KCNIP4: variants seen among roughly 807,000 people sequenced by gnomAD.
KCNIP4 encodes the protein Kv channel-interacting protein 4.
A neutral mutation model predicts 34.0 loss-of-function variants in KCNIP4; 12 were observed. The observed-to-expected ratio is 0.35, with a 90% CI of 0.23 to 0.57. The LOEUF (loss-of-function observed/expected upper bound fraction) is 0.57, where lower values mean the gene tolerates loss of function less well. Among genes scored for constraint, KCNIP4 ranks in the 20% least tolerant of loss-of-function variants. The pLI, the probability that KCNIP4 is intolerant of heterozygous loss-of-function variation, is 0.83. For missense variants in KCNIP4, 238 were observed against 311.7 expected (o/e 0.76, Z 1.78); for synonymous variants, 124 against 102.2 (o/e 1.21, Z -1.29).
chr4:21,707,258 T>C (rs893077914), intron 1 of KCNIP4, among the ~76,000 whole-genome samples: 1 of 152,196 alleles, frequency 6.6e-6, no homozygotes, highest in Non-Finnish European at 1.5e-5. Context: ...CTGTATCACC[T>C]TGGTATTGAG....
intron 1 of KCNIP4, among the ~76,000 whole-genome samples, chr4:21,287,724 T>G (rs1763204949): frequency 6.6e-6 from 1 of 152,168 alleles, no homozygotes; most frequent in African/African-American, 2.4e-5. Flanking sequence ...TCTGGAAGCC[T>G]TGTGAGGACT....
At chr4:20,989,535 T>C (rs991231462) in intron 1 of KCNIP4, among the ~76,000 whole-genome samples, 1 of 152,084 alleles carries the variant, frequency 6.6e-6, no homozygotes, top group Non-Finnish European at 1.5e-5. Flanking sequence ...TCTCAGTCAA[T>C]AGAAGCTAAG....
intron 1 of KCNIP4, among the ~76,000 whole-genome samples, chr4:21,508,944 C>T (rs868602410): frequency 5.4e-4 from 82 of 152,266 alleles, no homozygotes; most frequent in African/African-American, 1.7e-3. Context: ...AACATGGACA[C>T]CTTCTTGCTT....
intron 1 of KCNIP4, among the ~76,000 whole-genome samples, chr4:21,171,806 C>T (rs1754041220): frequency 6.6e-6 from 1 of 152,164 alleles, no homozygotes; most frequent in Admixed American, 6.5e-5. Context: ...ATGGACTCAG[C>T]ACTTGCTCAG....
In KCNIP4 at chr4:20,889,576, A is replaced by G. The variant is rs62295430; in HGVS notation, c.62-6867T>C. ...CGTAAGACTTTTATTTTTTTGTGCC[A>G]TCAAATACAGGTAAAAATAATTGTG... On this transcript the variant is annotated intron_variant, in intron 1 of 8. Transcript: ENST00000382152. Among the ~76,000 whole-genome samples, 623 of 152,206 alleles carry G rather than the reference A, an allele frequency of 4.1e-3. 2 individuals carry two copies. The highest frequency in any genetic ancestry group is 6.4e-3 in the Non-Finnish European group (435 of 67,964).
intron 1 of KCNIP4, among the ~76,000 whole-genome samples, chr4:21,584,083 T>C (rs1489072293): frequency 6.6e-6 from 1 of 152,042 alleles, no homozygotes; most frequent in East Asian, 1.9e-4. Context: ...GCAATCTGCA[T>C]AGCCCATGGT....
rs144174589 is a variant in KCNIP4 at position 20,971,981 on chromosome 4, C to T, written c.62-89272G>A. On this transcript the variant is annotated intron_variant, in intron 1 of 8. Transcript: ENST00000382152. The stretch of plus-strand genomic sequence containing the variant: ...TAGCCTCTTCACCAGGAGTCAATTC[C>T]ATCTCAAGAAACTGCTTTCTTTGTC... Among the ~76,000 whole-genome samples the T allele has an allele frequency of 4.2e-3, 633 of 152,290 alleles. 1 individual carries two copies. The highest frequency in any genetic ancestry group is 6.8e-3 in the Middle Eastern group (2 of 294).
chr4:21,540,435 C>T (rs924328756), intron 1 of KCNIP4, among the ~76,000 whole-genome samples: 2 of 152,152 alleles, frequency 1.3e-5, no homozygotes, highest in Non-Finnish European at 2.9e-5. Flanking sequence ...GGTACTTCAG[C>T]ATGAAGGCTC....
chr4:20,760,954 G>A (rs542164522), intron 3 of KCNIP4, among the ~76,000 whole-genome samples: 2 of 152,288 alleles, frequency 1.3e-5, no homozygotes, highest in Admixed American at 1.3e-4. Context: ...TTCTGTAAGG[G>A]TGTTTTTGAG....
chr4:21,260,461 C>T lies in KCNIP4; in HGVS notation c.62-377752G>A, dbSNP rs1001378446. ...GGATTTTTGAATGACATGCCCATGACGTAGTTTGCGAGAAAGGGAAAACAC... is the reference window on the plus strand; with the variant it reads ...GGATTTTTGAATGACATGCCCATGATGTAGTTTGCGAGAAAGGGAAAACAC... On this transcript the variant is annotated intron_variant, in intron 1 of 8. Transcript: ENST00000382152. Among the ~76,000 whole-genome samples the T allele has an allele frequency of 4.6e-5, 7 of 152,096 alleles. No homozygotes were observed. The South Asian group carries it at 6.2e-4, about 14-fold the overall frequency.
chr4:21,911,653 C>CAGAG (rs1428463258), intron 1 of KCNIP4, among the ~76,000 whole-genome samples: 1 of 134,538 alleles, frequency 7.4e-6, no homozygotes, highest in Admixed American at 7.4e-5. Flanking sequence ...CACACACACA[C>CAGAG]ACAGAGTCTG....
In KCNIP4 at chr4:20,729,904, C is replaced by CAAATTTATAACTGAAAG. The variant is rs1747523591; in HGVS notation, c.*161_*177dup. The CAAATTTATAACTGAAAG allele has an allele frequency of 1.6e-6, 1 of 613,414 alleles. No homozygotes were observed. The highest frequency in any genetic ancestry group is 3.9e-5 in the South Asian group (1 of 25,868). The allele number at this position is 613,414 out of a possible 1,614,324, so 38.0% of individuals were successfully genotyped here. On this transcript the variant is annotated 3_prime_UTR_variant, in exon 9 of 9. Transcript: ENST00000382152. Reference sequence around the variant, plus strand: ...ACTCAGTGGCATTATGAAAAGGATGCAAATTTATAACTGAAAGCTCAAATC... The same window carrying CAAATTTATAACTGAAAG: ...ACTCAGTGGCATTATGAAAAGGATGCAAATTTATAACTGAAAGAAATTTATAACTGAAAGCTCAAATC...
At chr4:21,344,358 A>T (rs549864737) in intron 1 of KCNIP4, among the ~76,000 whole-genome samples, 47 of 152,266 alleles carry the variant, frequency 3.1e-4, no homozygotes, top group African/African-American at 1.1e-3. Flanking sequence ...GAGGATGAGG[A>T]GTGAAATAAG....
rs963880455 is a variant in KCNIP4, at chr4:21,189,146, C to T, written c.62-306437G>A. On this transcript the variant is annotated intron_variant, in intron 1 of 8. Transcript: ENST00000382152. ...AAAGCATACAGAATTATACCTGATG[C>T]ATTCCAAGTGTTTTATAAATAATTG... Among the ~76,000 whole-genome samples the T allele has an allele frequency of 2.0e-5, 3 of 152,154 alleles. No homozygotes were observed. In the East Asian group the frequency reaches 5.8e-4, roughly 29 times the overall value.
At chr4:21,268,507 C>T (rs13147635) in intron 1 of KCNIP4, among the ~76,000 whole-genome samples, 39,031 of 152,108 alleles carry the variant, frequency 0.26, 5,197 homozygotes, top group South Asian at 0.35. Context: ...CTAAAATTAA[C>T]TTTGCAGACA....
In KCNIP4 at chr4:21,166,909, A is replaced by C. The variant is rs562757172; in HGVS notation, c.62-284200T>G. On this transcript the variant is annotated intron_variant, in intron 1 of 8. Coordinates refer to ENST00000382152, the MANE Select transcript of KCNIP4 (RefSeq NM_025221.6). ...AGCTGAGATCACGCCATTGCACTCC[A>C]GCCTGGGGGACAGAGCTACACTCCA... Among the ~76,000 whole-genome samples, 5 of 129,358 alleles carry C rather than the reference A, an allele frequency of 3.9e-5. No homozygotes were observed. In the East Asian group the frequency reaches 1.2e-3, roughly 32 times the overall value. The allele number at this position is 129,358 out of a possible 152,430, so 84.9% of individuals were successfully genotyped here.
intron 1 of KCNIP4, among the ~76,000 whole-genome samples, chr4:21,896,995 G>A (rs1286879423): frequency 6.6e-6 from 1 of 151,334 alleles, no homozygotes; most frequent in Non-Finnish European, 1.5e-5. Context: ...AAAATAACAT[G>A]CTTATATTTG....
At chr4:20,732,844 GA>G in intron 6 of KCNIP4, 59 bp from the exon 7 acceptor site, 1 of 1,040,456 alleles carries the variant, frequency 9.6e-7, no homozygotes, top group South Asian at 1.4e-5. Flanking sequence ...ACCAGTCTAA[GA>G]AGCTCTGACA....
intron 2 of KCNIP4, among the ~76,000 whole-genome samples, chr4:20,880,115 A>C (rs1178311912): frequency 1.3e-5 from 2 of 152,230 alleles, no homozygotes; most frequent in Non-Finnish European, 2.9e-5. Flanking sequence ...TGAAATAATA[A>C]AAATTTGGTA....
Sources: gnomAD v4.1 joint callset for allele counts (sites outside exome capture counted in the v4.1 genomes callset) on GRCh38, gnomAD v4.1.1 for gene constraint, MANE v1.5 for transcripts, NCBI Gene and HGNC (gene_info 2026-07-23, HGNC 2026-07-21) for gene names.